The following GALNT7 variants were observed in gnomAD, a reference collection of about 807,000 sequenced individuals.
GALNT7 encodes N-acetylgalactosaminyltransferase 7.
In GALNT7, 60 loss-of-function variants were observed where a neutral mutation model predicts 82.1. The observed-to-expected ratio is 0.73, with a 90% CI of 0.59 to 0.91. The LOEUF is 0.91. Ranked by LOEUF, GALNT7 falls within the 40% of genes least tolerant of loss-of-function variation. The probability of loss-of-function intolerance (pLI) is 0.00; values close to 1 mark genes in which losing one functional copy is unlikely to be tolerated. For synonymous variants in GALNT7, 243 were observed against 275.1 expected, an observed-to-expected ratio of 0.88 and a Z score of 1.15; for missense variants, 660 against 804.2, an observed-to-expected ratio of 0.82 and a Z score of 2.17.
rs202246037 is a variant in GALNT7 at position 173,302,204 on chromosome 4, T to G, written c.1266+40T>G. On this transcript the variant is annotated intron_variant, in intron 7 of 11. Transcript: ENST00000265000. This position sits in a 1 kb window ranked among gnomAD's most constrained non-coding sequence, Gnocchi z 4.2. Reference sequence around the variant, plus strand: ...CAACAGATGGAATTCTCCAAGTCGTTACTAACTTCTGTGGCTTTCAGATAA... The same window carrying G: ...CAACAGATGGAATTCTCCAAGTCGTGACTAACTTCTGTGGCTTTCAGATAA... The G allele has an allele frequency of 2.6e-5, 24 of 906,294 alleles. No individual in the cohort carries two copies. Among genetic ancestry groups the G allele is most frequent in the Non-Finnish European group, 4.3e-5 (23 of 537,454 alleles). The allele number at this position is 906,294 out of a possible 1,614,324, so 56.1% of individuals were successfully genotyped here.
At chr4:173,219,422 T>A (rs1268575410) in intron 1 of GALNT7, among the ~76,000 whole-genome samples, 2 of 152,202 alleles carry the variant, frequency 1.3e-5, no homozygotes, top group Non-Finnish European at 2.9e-5. Flanking sequence ...TGGTTCCATG[T>A]TTTTGCAATT....
chr4:173,227,647 G>T (rs1733879668), intron 1 of GALNT7, among the ~76,000 whole-genome samples: 1 of 152,096 alleles, frequency 6.6e-6, no homozygotes. Context: ...TTTTTTATAA[G>T]GATGTGTGCC....
At chr4:173,219,823 A>C (rs1017689697) in intron 1 of GALNT7, among the ~76,000 whole-genome samples, 6 of 151,766 alleles carry the variant, frequency 4.0e-5, no homozygotes, top group Non-Finnish European at 5.9e-5. Context: ...TCCTTAGCCT[A>C]CTTTTTAATG....
intron 2 of GALNT7, among the ~76,000 whole-genome samples, chr4:173,261,312 T>G (rs913371775): frequency 6.6e-6 from 1 of 151,926 alleles, no homozygotes; most frequent in Non-Finnish European, 1.5e-5. Context: ...AGCTTGGGGA[T>G]GTATATCCAG....
Position 173,298,251 on chromosome 4 carries a change from A to G in GALNT7, c.1102A>G (p.Thr368Ala). 6.2e-7 allele frequency: 1 copy of G among 1,605,288 alleles called. No homozygotes were observed. Among genetic ancestry groups the G allele is most frequent in the Non-Finnish European group, 8.5e-7 (1 of 1,177,050 alleles). ...WSMLWKRVPL[T>A]PQEKRLRKTK... ...TATGCTCTGGAAACGGGTGCCTCTG[A>G]CCCCTCAAGAGAAGAGACTGAGAAA... The change falls in exon 6 of 12, where the codon ACC becomes GCC. Residue 368 changes from threonine to alanine, a missense_variant. Coordinates refer to ENST00000265000, the MANE Select transcript of GALNT7 (RefSeq NM_017423.3).
At chr4:173,251,853 T>A (rs1327750830) in intron 2 of GALNT7, among the ~76,000 whole-genome samples, 1 of 152,218 alleles carries the variant, frequency 6.6e-6, no homozygotes, top group Non-Finnish European at 1.5e-5. Context: ...TGAAATCCTA[T>A]ACTAGTGATA....
intron 1 of GALNT7, among the ~76,000 whole-genome samples, chr4:173,203,911 T>A (rs914066626): frequency 6.6e-6 from 1 of 152,242 alleles, no homozygotes; most frequent in Non-Finnish European, 1.5e-5. Context: ...TTTGACTGTG[T>A]ACTTTTACCA....
intron 1 of GALNT7, among the ~76,000 whole-genome samples, chr4:173,190,669 GT>G (rs1028913575): frequency 6.6e-6 from 1 of 151,664 alleles, no homozygotes; most frequent in Non-Finnish European, 1.5e-5. Context: ...CAGGCTTTAA[GT>G]TTTTTTTAAT....
intron 1 of GALNT7, among the ~76,000 whole-genome samples, chr4:173,216,549 A>G (rs1317593627): frequency 6.6e-6 from 1 of 151,598 alleles, no homozygotes; most frequent in African/African-American, 2.4e-5. Context: ...ATTATATATG[A>G]AAGAACCTAC....
chr4:173,215,944 C>T (rs1733434214), intron 1 of GALNT7, among the ~76,000 whole-genome samples: 1 of 151,964 alleles, frequency 6.6e-6, no homozygotes, highest in African/African-American at 2.4e-5. Flanking sequence ...CCCCTTCTCT[C>T]TCTAAAAATA....
chr4:173,323,305 C>T lies in GALNT7; in HGVS notation c.*1588C>T, dbSNP rs1337279719. The T allele has an allele frequency of 1.3e-5, 2 of 152,468 alleles. No homozygotes were observed. Among genetic ancestry groups the T allele is most frequent in the Non-Finnish European group, 2.9e-5 (2 of 67,946 alleles). The allele number at this position is 152,468 out of a possible 1,614,324, so 9.4% of individuals were successfully genotyped here. ...ATAAATTTGTTTCTTCCAAGCTTAGCTCTTAAATTTGGAGACTCAAAGTTA... is the reference window on the plus strand; with the variant it reads ...ATAAATTTGTTTCTTCCAAGCTTAGTTCTTAAATTTGGAGACTCAAAGTTA... On this transcript the variant is annotated 3_prime_UTR_variant, in exon 12 of 12. Transcript: ENST00000265000.
chr4:173,315,845 A>G (rs1489409083), intron 9 of GALNT7: 3 of 152,122 alleles, frequency 2.0e-5, no homozygotes, highest in Non-Finnish European at 4.4e-5. Flanking sequence ...TGAACTTCCT[A>G]TCTCCTCCCC....
intron 1 of GALNT7, among the ~76,000 whole-genome samples, chr4:173,243,363 C>CAT (rs1451178935): frequency 6.6e-6 from 1 of 152,154 alleles, no homozygotes; most frequent in Admixed American, 6.5e-5. Flanking sequence ...TTTTTCAGTC[C>CAT]ATTTCCACCT....
intron 2 of GALNT7, among the ~76,000 whole-genome samples, chr4:173,260,282 G>A (rs2126764176): frequency 6.6e-6 from 1 of 152,298 alleles, no homozygotes; most frequent in South Asian, 2.1e-4. Context: ...AATAATTAAA[G>A]TTAGTTCTAT....
chr4:173,213,533 G>A (rs7670064), intron 1 of GALNT7, among the ~76,000 whole-genome samples: 145,079 of 152,202 alleles, frequency 0.95, 69,383 homozygotes, highest in Non-Finnish European at 1. Context: ...TTGAGCTGTG[G>A]TGTATAATAT....
At chr4:173,245,497 C>T (rs1458937922) in intron 1 of GALNT7, among the ~76,000 whole-genome samples, 2 of 152,106 alleles carry the variant, frequency 1.3e-5, no homozygotes, top group African/African-American at 2.4e-5. Context: ...GTTCCAACTA[C>T]TCTTCTATAT....
At chr4:173,310,631 G>C (rs1476590677) in intron 8 of GALNT7, among the ~76,000 whole-genome samples, 1 of 152,190 alleles carries the variant, frequency 6.6e-6, no homozygotes, top group Non-Finnish European at 1.5e-5. Flanking sequence ...AGTACTTACA[G>C]TGTACCAGGC....
intron 2 of GALNT7, among the ~76,000 whole-genome samples, chr4:173,277,777 T>G (rs1383756635): frequency 1.3e-5 from 2 of 152,244 alleles, no homozygotes; most frequent in Non-Finnish European, 2.9e-5. Context: ...ATTATATGAT[T>G]TTAACGTATG....
At chr4:173,258,008 G>T (rs1370267930) in intron 2 of GALNT7, among the ~76,000 whole-genome samples, 1 of 152,186 alleles carries the variant, frequency 6.6e-6, no homozygotes, top group East Asian at 1.9e-4. Flanking sequence ...GATATTTAAG[G>T]CTGATTTCTT....
Sources: allele counts gnomAD v4.1 joint callset (sites outside exome capture counted in the v4.1 genomes callset), GRCh38; gene constraint gnomAD v4.1.1; non-coding constraint Gnocchi (gnomAD v3.1); transcripts MANE v1.5; gene names NCBI Gene and HGNC (gene_info 2026-07-23, HGNC 2026-07-21).